Variants in TDRD7 observed in about 807,000 individuals in gnomAD.
TDRD7 encodes the protein tudor domain-containing protein 7.
A neutral mutation model predicts 109.8 loss-of-function variants in TDRD7; 47 were observed. That is an observed-to-expected ratio of 0.43 (90% CI 0.34 to 0.55). The LOEUF is 0.55. Among genes scored for constraint, TDRD7 ranks in the 20% least tolerant of loss-of-function variants. The pLI, the probability that TDRD7 is intolerant of heterozygous loss-of-function variation, is 0.03. For synonymous variants in TDRD7, 424 were observed against 457.3 expected (o/e 0.93, Z 0.93); for missense variants, 1,164 against 1,319.2 (o/e 0.88, Z 1.82).
At chr9:97,415,717 C>T (rs1319061686) in intron 1 of TDRD7, among the ~76,000 whole-genome samples, 1 of 152,272 alleles carries the variant, frequency 6.6e-6, no homozygotes, top group East Asian at 1.9e-4. Context: ...CACTTGAACC[C>T]GGCAGGCGGA....
chr9:97,466,427 GT>G (rs1828822843), intron 8 of TDRD7, among the ~76,000 whole-genome samples: 1 of 140,612 alleles, frequency 7.1e-6, no homozygotes, highest in South Asian at 2.3e-4. Context: ...TTGGAAAATA[GT>G]TTGCCAGTTT....
rs748316297 is a variant in TDRD7 at position 97,487,223 on chromosome 9, G to A, written c.2967G>A (p.Val989=). 6.2e-7 allele frequency: 1 copy of A among 1,613,958 alleles called. No individual in the cohort carries two copies. ...TCCTGACCAATGGACTGGTATCTGT[G>A]TATGAGCTGGATTATGGCAAACACG... is the stretch of plus-strand genomic sequence containing the variant. ...KGILTNGLVS[V]YELDYGKHEL... is the part of the protein sequence containing the mutation. Residue 989 remains valine, a synonymous_variant, in exon 16 of 17, where the codon GTG becomes GTA. Transcript: ENST00000355295.
intron 6 of TDRD7, 91 bp from the exon 7 acceptor site, chr9:97,460,087 C>G: frequency 2.7e-6 from 3 of 1,104,554 alleles, no homozygotes; most frequent in Non-Finnish European, 4.1e-6. Flanking sequence ...TTGGAAACAG[C>G]ATGACTCTCA....
intron 12 of TDRD7, among the ~76,000 whole-genome samples, chr9:97,478,130 G>A (rs907689050): frequency 2.6e-5 from 4 of 151,918 alleles, no homozygotes; most frequent in Non-Finnish European, 5.9e-5. Flanking sequence ...TTGTGGTGGT[G>A]GGCACCTGTA....
intron 4 of TDRD7, among the ~76,000 whole-genome samples, chr9:97,438,597 T>A (rs1828243944): frequency 6.6e-6 from 1 of 152,220 alleles, no homozygotes; most frequent in South Asian, 2.1e-4. Flanking sequence ...GTGTGGGGTT[T>A]ATTTATGTGT....
chr9:97,477,142 C>T (rs934354691), intron 12 of TDRD7, among the ~76,000 whole-genome samples: 1 of 151,960 alleles, frequency 6.6e-6, no homozygotes, highest in Admixed American at 6.6e-5. Flanking sequence ...AATAATTTTC[C>T]TTTTTTACAA....
intron 5 of TDRD7, among the ~76,000 whole-genome samples, chr9:97,439,570 T>C (rs1052672698): frequency 6.6e-6 from 1 of 152,208 alleles, no homozygotes; most frequent in Non-Finnish European, 1.5e-5. Context: ...CCTCTATGTG[T>C]GGCCTGCAGA....
At chr9:97,444,110 A>G (rs2118383024) in intron 6 of TDRD7, among the ~76,000 whole-genome samples, 1 of 152,320 alleles carries the variant, frequency 6.6e-6, no homozygotes, top group Non-Finnish European at 1.5e-5. Flanking sequence ...ATAGTTTTCT[A>G]CTAAACCTCT....
intron 11 of TDRD7, 61 bp from the exon 12 acceptor site, chr9:97,475,322 T>C (rs768150271): frequency 1.5e-6 from 2 of 1,319,264 alleles, no homozygotes; most frequent in Non-Finnish European, 2.2e-6. Context: ...GTTTTTCTAA[T>C]GGTGTAGCAA....
At chr9:97,454,972 A>G (rs962021799) in intron 6 of TDRD7, among the ~76,000 whole-genome samples, 1 of 152,198 alleles carries the variant, frequency 6.6e-6, no homozygotes. Flanking sequence ...AGATAGACAC[A>G]ATAAAAAACG....
At chr9:97,432,366 T>G (rs1828119807) in intron 4 of TDRD7, 128 bp downstream of exon 4, 3 of 819,354 alleles carry the variant, frequency 3.7e-6, no homozygotes, top group Non-Finnish European at 6.2e-6. Flanking sequence ...ACATGCATCA[T>G]TACCAGTTAA....
chr9:97,428,083 C>T (rs1828032067), intron 1 of TDRD7, among the ~76,000 whole-genome samples: 1 of 152,112 alleles, frequency 6.6e-6, no homozygotes, highest in Non-Finnish European at 1.5e-5. Flanking sequence ...ATGTGCTTCT[C>T]TCTCACCTCT....
chr9:97,453,437 T>C (rs1397311187), intron 6 of TDRD7, among the ~76,000 whole-genome samples: 2 of 151,812 alleles, frequency 1.3e-5, no homozygotes, highest in East Asian at 3.9e-4. Context: ...AAAAAAACCA[T>C]AATAAGTGTG....
intron 16 of TDRD7, among the ~76,000 whole-genome samples, chr9:97,487,779 A>G (rs1208685179): frequency 6.6e-6 from 1 of 152,162 alleles, no homozygotes; most frequent in Non-Finnish European, 1.5e-5. Context: ...GCATCTTTAC[A>G]CTAGCTAAAA....
intron 16 of TDRD7, among the ~76,000 whole-genome samples, chr9:97,490,339 T>C (rs941579023): frequency 2.0e-5 from 3 of 152,172 alleles, no homozygotes; most frequent in Non-Finnish European, 4.4e-5. Flanking sequence ...TACAGAACTT[T>C]AGCTGGTGGG....
Position 97,495,826 on chromosome 9 carries a change from T to C in TDRD7, c.3240T>C (p.Asp1080=). The change falls in exon 17 of 17, where the codon GAT becomes GAC. Residue 1080 remains aspartate (D), a synonymous_variant. Transcript: ENST00000355295. ...TGGACACATCGTTGCCAGACACCGA[T>C]ACCTGGATTCATGATTTTATGTCAG... ...YLVDTSLPDT[D]TWIHDFMSEY... 1 of 1,614,216 alleles carries C rather than the reference T, an allele frequency of 6.2e-7. No individual in the cohort carries two copies. The highest frequency in any genetic ancestry group is 1.3e-5 in the African/African-American group (1 of 75,048).
intron 6 of TDRD7, among the ~76,000 whole-genome samples, chr9:97,459,253 A>AT (rs1828668669): frequency 6.6e-6 from 1 of 152,240 alleles, no homozygotes; most frequent in African/African-American, 2.4e-5. Flanking sequence ...GCCAGAGAGA[A>AT]TATGTAAATA....
intron 1 of TDRD7, among the ~76,000 whole-genome samples, chr9:97,418,198 A>G (rs1175168380): frequency 3.3e-5 from 5 of 152,216 alleles, no homozygotes; most frequent in African/African-American, 1.2e-4. Context: ...AGATTGAGAA[A>G]TATAACTTAG....
intron 6 of TDRD7, among the ~76,000 whole-genome samples, chr9:97,445,315 C>T (rs964241603): frequency 2.0e-5 from 3 of 152,164 alleles, no homozygotes; most frequent in Non-Finnish European, 4.4e-5. Context: ...TAAAATGCTT[C>T]CGTGTGCTAG....
Sources: gnomAD v4.1 joint callset for allele counts (sites outside exome capture counted in the v4.1 genomes callset) on GRCh38, gnomAD v4.1.1 for gene constraint, MANE v1.5 for transcripts, NCBI Gene and HGNC (gene_info 2026-07-23, HGNC 2026-07-21) for gene names.